Variants in COX7B2 observed in about 807,000 individuals in gnomAD.
COX7B2 encodes the protein cytochrome c oxidase subunit 7B2, mitochondrial.
For missense variants in COX7B2, 109 were observed against 95.9 expected, an observed-to-expected ratio of 1.14 and a Z score of -0.57; for synonymous variants, 37 against 32.1, an observed-to-expected ratio of 1.15 and a Z score of -0.51.
chr4:46,874,319 T>A (rs974064774), intron 1 of COX7B2, among the ~76,000 whole-genome samples: 1 of 152,226 alleles, frequency 6.6e-6, no homozygotes, highest in Non-Finnish European at 1.5e-5. Flanking sequence ...CCACAAAATA[T>A]GCTTCAGGCA....
chr4:46,770,661 G>GAAA (rs113406297), intron 2 of COX7B2, among the ~76,000 whole-genome samples: 27 of 149,784 alleles, frequency 1.8e-4, no homozygotes, highest in East Asian at 3.9e-4. Flanking sequence ...AGAGAGACCA[G>GAAA]AAAAAAAAAC....
chr4:46,885,872 A>G (rs1719054180), intron 1 of COX7B2, among the ~76,000 whole-genome samples: 1 of 152,176 alleles, frequency 6.6e-6, no homozygotes, highest in African/African-American at 2.4e-5. Context: ...GAGAAACAGT[A>G]TACAAGGTTA....
intron 2 of COX7B2, among the ~76,000 whole-genome samples, chr4:46,759,216 T>C (rs1476376874): frequency 2.6e-5 from 4 of 151,890 alleles, no homozygotes; most frequent in Non-Finnish European, 5.9e-5. Flanking sequence ...ACTAAATACA[T>C]AGAGAAACGA....
chr4:46,743,376 T>C (rs1300934371), intron 2 of COX7B2, among the ~76,000 whole-genome samples: 3 of 152,122 alleles, frequency 2.0e-5, no homozygotes, highest in African/African-American at 7.2e-5. Flanking sequence ...TGAGAATCTG[T>C]CTCATGCTAA....
chr4:46,852,561 A>AAT (rs1277419604), intron 1 of COX7B2, among the ~76,000 whole-genome samples: 2 of 147,150 alleles, frequency 1.4e-5, no homozygotes, highest in East Asian at 3.9e-4. Flanking sequence ...TGAATACACA[A>AAT]ATACACACAC....
At chr4:46,771,617 A>C (rs2109518600) in intron 2 of COX7B2, among the ~76,000 whole-genome samples, 1 of 152,222 alleles carries the variant, frequency 6.6e-6, no homozygotes, top group Non-Finnish European at 1.5e-5. Flanking sequence ...CTGAAACTCA[A>C]AATTCTCCAA....
chr4:46,805,584 A>C (rs1490566571), intron 2 of COX7B2, among the ~76,000 whole-genome samples: 2 of 152,228 alleles, frequency 1.3e-5, no homozygotes, highest in African/African-American at 4.8e-5. Flanking sequence ...TGGATAACAA[A>C]TAGTAAATAT....
At chr4:46,860,102 G>A (rs538521872) in intron 1 of COX7B2, among the ~76,000 whole-genome samples, 3 of 152,264 alleles carry the variant, frequency 2.0e-5, no homozygotes, top group South Asian at 2.1e-4. Flanking sequence ...CATGTGGCTC[G>A]AGAAGATGGC....
At chr4:46,772,197 G>T (rs1716914719) in intron 2 of COX7B2, among the ~76,000 whole-genome samples, 1 of 152,052 alleles carries the variant, frequency 6.6e-6, no homozygotes, top group Non-Finnish European at 1.5e-5. Context: ...GGCACAGAAA[G>T]ACAAATACAA....
chr4:46,895,143 A>G (rs1719673260), intron 1 of COX7B2, among the ~76,000 whole-genome samples: 1 of 152,172 alleles, frequency 6.6e-6, no homozygotes, highest in South Asian at 2.1e-4. Flanking sequence ...TTGGGTATAT[A>G]CCCAAAGGTT....
At chr4:46,741,903 T>A (rs1009725779) in intron 2 of COX7B2, among the ~76,000 whole-genome samples, 11 of 152,090 alleles carry the variant, frequency 7.2e-5, no homozygotes, top group Admixed American at 2.6e-4. Context: ...AGTTTTATCA[T>A]CAGAAATATT....
intron 2 of COX7B2, among the ~76,000 whole-genome samples, chr4:46,759,010 G>A (rs1354305738): frequency 6.6e-6 from 1 of 152,088 alleles, no homozygotes; most frequent in Non-Finnish European, 1.5e-5. Flanking sequence ...ACCACAAACT[G>A]GCCCTCCTGC....
chr4:46,739,718 A>G (rs1043073634), intron 2 of COX7B2, among the ~76,000 whole-genome samples: 6 of 152,074 alleles, frequency 3.9e-5, no homozygotes, highest in African/African-American at 1.4e-4. Flanking sequence ...GAGATGGAGA[A>G]GCAAAACGTA....
chr4:46,817,659 G>A (rs1719624952), intron 2 of COX7B2, among the ~76,000 whole-genome samples: 1 of 152,226 alleles, frequency 6.6e-6, no homozygotes, highest in Non-Finnish European at 1.5e-5. Flanking sequence ...TCCCTCTTAA[G>A]GAAACATGAT....
chr4:46,897,987 C>G (rs973867715), intron 1 of COX7B2, among the ~76,000 whole-genome samples: 1 of 152,166 alleles, frequency 6.6e-6, no homozygotes, highest in African/African-American at 2.4e-5. Context: ...CCTTCTAACT[C>G]TCTATGGGCT....
chr4:46,840,356 A>G (rs1183036239), intron 2 of COX7B2, among the ~76,000 whole-genome samples: 2 of 151,980 alleles, frequency 1.3e-5, no homozygotes, highest in African/African-American at 4.8e-5. Flanking sequence ...GGACTTCTGT[A>G]TTTGTTTTTG....
At chr4:46,907,800 T>C (rs1289186206) in intron 1 of COX7B2, among the ~76,000 whole-genome samples, 1 of 147,750 alleles carries the variant, frequency 6.8e-6, no homozygotes, top group Non-Finnish European at 1.5e-5. Context: ...CCATCTCTTG[T>C]CTCTGAAGAG....
chr4:46,742,726 A>C (rs1318211859), intron 2 of COX7B2, among the ~76,000 whole-genome samples: 1 of 152,140 alleles, frequency 6.6e-6, no homozygotes, highest in Non-Finnish European at 1.5e-5. Flanking sequence ...TGCCTGGAGG[A>C]AAAATAAGAG....
Position 46,884,185 on chromosome 4 carries a change from T to G in COX7B2, c.-105+24975A>C, listed in dbSNP as rs374098109. ...ATGTGTGAGGGGGCCAGTTGGGGGG[T>G]GGTGGTGGTGTTTGTTTGTTTTAGA... is the stretch of plus-strand genomic sequence containing the variant. On this transcript the variant is annotated intron_variant, in intron 1 of 2. Coordinates refer to ENST00000355591, the MANE Select transcript of COX7B2 (RefSeq NM_130902.3). Among the ~76,000 whole-genome samples, 1,267 of 140,814 alleles carry G rather than the reference T, an allele frequency of 9.0e-3. 43 individuals are homozygous for G. The highest frequency in any genetic ancestry group is 0.053 in the Admixed American group (744 of 14,000). The allele number at this position is 140,814 out of a possible 152,430, so 92.4% of individuals were successfully genotyped here.
Sources: allele counts gnomAD v4.1 joint callset (sites outside exome capture counted in the v4.1 genomes callset), GRCh38; gene constraint gnomAD v4.1.1; transcripts MANE v1.5; gene names NCBI Gene and HGNC (gene_info 2026-07-23, HGNC 2026-07-21).